Variants in ADGRL2 observed in about 807,000 individuals in gnomAD.
ADGRL2 encodes the protein calcium-independent alpha-latrotoxin receptor 2.
ADGRL2 carries 44 observed loss-of-function variants against 157.4 expected under a neutral mutation model. The ratio of observed to expected loss-of-function variants is 0.28; its 90% CI spans 0.22 to 0.36. The LOEUF (loss-of-function observed/expected upper bound fraction) is 0.36, where lower values mean the gene tolerates loss of function less well. ADGRL2 is among the 10% of genes least tolerant of loss of function. The probability of loss-of-function intolerance (pLI) is 1.00; values close to 1 mark genes in which losing one functional copy is unlikely to be tolerated. For missense variants in ADGRL2, 1,510 were observed against 1,768.9 expected, an observed-to-expected ratio of 0.85 and a Z score of 2.63; for synonymous variants, 585 against 624.7, an observed-to-expected ratio of 0.94 and a Z score of 0.95.
chr1:81,626,895 A>G (rs963402837), intron 3 of ADGRL2, among the ~76,000 whole-genome samples: 6 of 152,310 alleles, frequency 3.9e-5, no homozygotes, highest in African/African-American at 1.4e-4. Context: ...CGTCTTATAC[A>G]TTCGTGAACA....
chr1:81,785,945 G>GA (rs201329667), intron 2 of ADGRL2, among the ~76,000 whole-genome samples: 157 of 145,590 alleles, frequency 1.1e-3, no homozygotes, highest in Middle Eastern at 3.6e-3. Flanking sequence ...TGTCTCTACA[G>GA]AAAAAAAAAA....
chr1:81,782,851 C>T (rs2149386849), intron 2 of ADGRL2, among the ~76,000 whole-genome samples: 1 of 152,248 alleles, frequency 6.6e-6, no homozygotes, highest in Non-Finnish European at 1.5e-5. Context: ...TCTTTGTAGC[C>T]AAAGTGAAAC....
At chr1:81,588,652 C>T (rs1286941450) in intron 3 of ADGRL2, among the ~76,000 whole-genome samples, 1 of 152,022 alleles carries the variant, frequency 6.6e-6, no homozygotes, top group Non-Finnish European at 1.5e-5. Context: ...ATTACCAGGC[C>T]CTAATCTGGT....
intron 1 of ADGRL2, chr1:81,427,301 G>T: frequency 2.8e-6 from 2 of 724,102 alleles, no homozygotes; most frequent in East Asian, 2.5e-5. Context: ...TAGAGGCGAT[G>T]GTGGCAACTA....
chr1:81,437,394 G>A (rs1320641638), intron 1 of ADGRL2, among the ~76,000 whole-genome samples: 1 of 152,062 alleles, frequency 6.6e-6, no homozygotes, highest in East Asian at 1.9e-4. Flanking sequence ...TAGATTAACA[G>A]GCCTTGTGTT....
At chr1:81,383,662 TAA>T (rs530939816) in intron 1 of ADGRL2, among the ~76,000 whole-genome samples, 174 of 141,934 alleles carry the variant, frequency 1.2e-3, no homozygotes, top group Middle Eastern at 3.6e-3. Flanking sequence ...ACTACTAGTT[TAA>T]AAAAAAAAAA....
chr1:81,533,224 C>T (rs1020573136), intron 2 of ADGRL2, among the ~76,000 whole-genome samples: 13 of 151,738 alleles, frequency 8.6e-5, no homozygotes. Flanking sequence ...ACTACAAATA[C>T]AAAAATTAAT....
chr1:81,384,624 T>C (rs2076403166), intron 1 of ADGRL2, among the ~76,000 whole-genome samples: 1 of 152,208 alleles, frequency 6.6e-6, no homozygotes, highest in Admixed American at 6.5e-5. Flanking sequence ...ATGTACTATT[T>C]CAGCCACTAT....
At chr1:81,573,826 A>G (rs1045307165) in intron 2 of ADGRL2, among the ~76,000 whole-genome samples, 5 of 152,208 alleles carry the variant, frequency 3.3e-5, no homozygotes, top group African/African-American at 9.6e-5. Context: ...TTCTCTTATT[A>G]TAAGGTGATC....
intron 2 of ADGRL2, among the ~76,000 whole-genome samples, chr1:81,775,657 A>C (rs1419021305): frequency 6.6e-6 from 1 of 152,046 alleles, no homozygotes; most frequent in Admixed American, 6.6e-5. Context: ...TGTGAGAAGA[A>C]GTCATGCCCA....
intron 2 of ADGRL2, among the ~76,000 whole-genome samples, chr1:81,561,653 T>C (rs1164748729): frequency 6.6e-6 from 1 of 152,000 alleles, no homozygotes; most frequent in Non-Finnish European, 1.5e-5. Context: ...AGAGACAGGG[T>C]TTCACCATGT....
intron 1 of ADGRL2, among the ~76,000 whole-genome samples, chr1:81,342,466 G>C (rs567609899): frequency 1.5e-4 from 23 of 152,194 alleles, no homozygotes; most frequent in South Asian, 1.5e-3. Context: ...ATGATATCAA[G>C]CTATGTCATC....
intron 1 of ADGRL2, chr1:81,414,527 G>A (rs987804512): frequency 6.5e-6 from 1 of 152,682 alleles, no homozygotes; most frequent in African/African-American, 2.4e-5. Flanking sequence ...GGCAGAACAG[G>A]ATGTGCTGGT....
Position 81,970,462 on chromosome 1 carries a change from G to T in ADGRL2, c.2882G>T (p.Gly961Val). The change falls in exon 16 of 24, where the codon GGT becomes GTT. Residue 961 changes from glycine to valine, a missense_variant. By Grantham distance (109) the Gly-to-Val change is moderately radical. Transcript: ENST00000686636. ...YSRKKYYYVA[G>V]YLFPATVVGV... is the part of the protein sequence containing the mutation. ...AGGAAAAAATATTACTATGTTGCTG[G>T]TTACTTGTTTCCTGCCACAGTGGTT... The T allele has an allele frequency of 6.4e-7, 1 of 1,568,010 alleles. No homozygotes were observed. Among genetic ancestry groups the T allele is most frequent in the Non-Finnish European group, 8.6e-7 (1 of 1,163,892 alleles).
At chr1:81,447,270 T>C (rs2077615807) in intron 2 of ADGRL2, among the ~76,000 whole-genome samples, 1 of 152,142 alleles carries the variant, frequency 6.6e-6, no homozygotes, top group Non-Finnish European at 1.5e-5. Flanking sequence ...TAGTAGATCT[T>C]AAAAGTGTAT....
intron 3 of ADGRL2, among the ~76,000 whole-genome samples, chr1:81,613,645 C>T (rs554502309): frequency 6.6e-6 from 1 of 152,264 alleles, no homozygotes; most frequent in South Asian, 2.1e-4. Context: ...GGGTCAGATC[C>T]TATAGGAAGC....
intron 3 of ADGRL2, among the ~76,000 whole-genome samples, chr1:81,662,729 G>T (rs1022742365): frequency 6.6e-6 from 1 of 151,336 alleles, no homozygotes; most frequent in African/African-American, 2.4e-5. Flanking sequence ...TAATTTTTTT[G>T]TATTTTTAGT....
intron 1 of ADGRL2, among the ~76,000 whole-genome samples, chr1:81,354,097 C>G (rs867083758): frequency 8.5e-5 from 13 of 152,286 alleles, no homozygotes; most frequent in South Asian, 2.1e-4. Flanking sequence ...ACAGCATAGA[C>G]TTTGGAGTCC....
At chr1:81,915,374 T>A (rs899709795) in intron 3 of ADGRL2, among the ~76,000 whole-genome samples, 1 of 152,206 alleles carries the variant, frequency 6.6e-6, no homozygotes, top group African/African-American at 2.4e-5. Flanking sequence ...CCACCAGGCC[T>A]GGCTCTGTTT....
Sources: gnomAD v4.1 joint callset for allele counts (sites outside exome capture counted in the v4.1 genomes callset) on GRCh38, gnomAD v4.1.1 for gene constraint, MANE v1.5 for transcripts, NCBI Gene and HGNC (gene_info 2026-07-23, HGNC 2026-07-21) for gene names.